The following TTC38 variants were observed in gnomAD, a reference collection of about 807,000 sequenced individuals.
TTC38 encodes the protein tetratricopeptide repeat protein 38.
Under a neutral mutation model 64.2 loss-of-function variants are expected in TTC38, and 64 were observed. The ratio of observed to expected loss-of-function variants is 1.00; its 90% CI spans 0.81 to 1.23. The LOEUF is 1.23. TTC38 is among the 50% of genes most tolerant of loss of function. The probability of loss-of-function intolerance (pLI) is 0.00; values close to 1 mark genes in which losing one functional copy is unlikely to be tolerated. For missense variants in TTC38, 573 were observed against 615.5 expected (o/e 0.93, Z 0.73); for synonymous variants, 254 against 249.3 (o/e 1.02, Z -0.18).
At position 46,268,511 on chromosome 22, in the gene TTC38, T is replaced by C. The variant is rs755207165; in HGVS notation, c.34-3T>C. The C allele has an allele frequency of 1.9e-6, 3 of 1,614,094 alleles. No individual in the cohort carries two copies. The highest frequency in any genetic ancestry group is 8.5e-7 in the Non-Finnish European group (1 of 1,180,010). On this transcript the variant is annotated splice_polypyrimidine_tract_variant and splice_region_variant and intron_variant, in intron 1 of 13. Transcript: ENST00000381031. ...ACTGCTATTCCCTTCTTGCCGTCTGTAGGCCTGGAAGGATGCGAGGCTCCC... is the reference window on the plus strand; with the variant it reads ...ACTGCTATTCCCTTCTTGCCGTCTGCAGGCCTGGAAGGATGCGAGGCTCCC...
chr22:46,289,880 G>A lies in TTC38; in HGVS notation c.1297G>A (p.Val433Ile), dbSNP rs199616473. The A allele has an allele frequency of 4.3e-4, 690 of 1,614,130 alleles. No homozygotes were observed. The highest frequency in any genetic ancestry group is 5.4e-4 in the Non-Finnish European group (639 of 1,179,990). ...CGCGGCCTTAAACTGCACCTCCAGCGTCCATAAGAACGTAGCCCGGTGAGC... is the reference window on the plus strand; with the variant it reads ...CGCGGCCTTAAACTGCACCTCCAGCATCCATAAGAACGTAGCCCGGTGAGC... ...IHAALNCTSS[V>I]HKNVARSLLM... is the part of the protein sequence containing the mutation. Residue 433 changes from valine to isoleucine, a missense_variant, in exon 13 of 14, where the codon GTC becomes ATC. By Grantham distance (29) the Val-to-Ile change is conservative. Around this residue, in one of 3 missense-constraint regions of TTC38, gnomAD observed 371 missense variants for 381.8 expected, o/e 0.97. Coordinates refer to ENST00000381031, the MANE Select transcript of TTC38 (RefSeq NM_017931.4).
chr22:46,282,215 C>T lies in TTC38; in HGVS notation c.735+497C>T, dbSNP rs1243730803. 4 of 325,334 alleles carry T rather than the reference C, an allele frequency of 1.2e-5. No individual in the cohort carries two copies. The highest frequency in any genetic ancestry group is 4.7e-5 in the South Asian group (2 of 42,962). 20.2% of individuals were successfully genotyped at this position (325,334 alleles called of 1,614,324 possible). ...AGCCCGTCACTAGCTTGAGCAAGGCCTCCAAGGCCTACAGTGGCCTGTGAG... is the reference window on the plus strand; with the variant it reads ...AGCCCGTCACTAGCTTGAGCAAGGCTTCCAAGGCCTACAGTGGCCTGTGAG... On this transcript the variant is annotated intron_variant, in intron 7 of 13. Transcript: ENST00000381031. The surrounding 1 kb of genome is among the most constrained non-coding windows in gnomAD (Gnocchi z 4.4).
At chr22:46,284,266 T>G (rs1286097647) in intron 8 of TTC38, among the ~76,000 whole-genome samples, 1 of 152,226 alleles carries the variant, frequency 6.6e-6, no homozygotes, top group African/African-American at 2.4e-5. Flanking sequence ...CGAGTGCCTG[T>G]GGCTGGAGTG....
intron 7 of TTC38, among the ~76,000 whole-genome samples, chr22:46,283,191 G>C (rs753512940): frequency 6.6e-6 from 1 of 151,902 alleles, no homozygotes; most frequent in African/African-American, 2.4e-5. Context: ...CTTCTGCCTC[G>C]GCCTCCCAAA....
rs1261942522 is a variant in TTC38 at position 46,281,779 on chromosome 22, C to A, written c.735+61C>A. 1.9e-6 allele frequency: 3 copies of A among 1,605,792 alleles called. No homozygotes were observed. In the Admixed American group the frequency reaches 5.0e-5, roughly 27 times the overall value. On this transcript the variant is annotated intron_variant, in intron 7 of 13. Coordinates refer to ENST00000381031, the MANE Select transcript of TTC38 (RefSeq NM_017931.4). The surrounding 1 kb of genome is among the most constrained non-coding windows in gnomAD (Gnocchi z 5.2). Reference sequence around the variant, plus strand: ...ATTCAGTGCATCCCCTTGAGTCAGGCCAAGGCTTTATGGACAAGAGTTACA... The same window carrying A: ...ATTCAGTGCATCCCCTTGAGTCAGGACAAGGCTTTATGGACAAGAGTTACA...
At position 46,268,862 on chromosome 22, in the gene TTC38, ATT is replaced by A. The variant is rs1396705754; in HGVS notation, c.111+276_111+277del. On this transcript the variant is annotated intron_variant, in intron 2 of 13. Coordinates refer to ENST00000381031, the MANE Select transcript of TTC38 (RefSeq NM_017931.4). ...ACTGCCCTCGACTAATTTTTTTTGT[ATT>A]TTTTAGTAGAGACGGGGTTTCACCG... 4 of 391,928 alleles carry A rather than the reference ATT, an allele frequency of 1.0e-5. No individual in the cohort carries two copies. The East Asian group carries it at 1.7e-4, about 17-fold the overall frequency. The allele number at this position is 391,928 out of a possible 1,614,324, so 24.3% of individuals were successfully genotyped here.
rs200901934 is a variant in TTC38, at chr22:46,276,771, T to TAA, written c.539+1352_539+1353dup. ...AAATACATATATTAAAAATATATAT[T>TAA]AAATATATATTAAAATATATATTAA... On this transcript the variant is annotated intron_variant, in intron 5 of 13. Coordinates refer to ENST00000381031, the MANE Select transcript of TTC38 (RefSeq NM_017931.4). The surrounding 1 kb of genome is among the most constrained non-coding windows in gnomAD (Gnocchi z 4.7). Among the ~76,000 whole-genome samples, 88 of 117,044 alleles carry TAA rather than the reference T, an allele frequency of 7.5e-4. No homozygotes were observed. Among genetic ancestry groups the TAA allele is most frequent in the African/African-American group, 3.7e-3 (81 of 21,848 alleles). The allele number at this position is 117,044 out of a possible 152,430, so 76.8% of individuals were successfully genotyped here.
Position 46,283,104 on chromosome 22 carries a change from AT to A in TTC38, c.736-857del, listed in dbSNP as rs202167198. On this transcript the variant is annotated intron_variant, in intron 7 of 13. Transcript: ENST00000381031. ...CCACCACACCTGGCTAATTAAAAAAATTTTTTTTTTTTAGAGAGACAGGGTC... is the reference window on the plus strand; with the variant it reads ...CCACCACACCTGGCTAATTAAAAAAATTTTTTTTTTTAGAGAGACAGGGTC... 9.3e-3 allele frequency among the ~76,000 whole-genome samples: 1,369 copies of A among 146,992 alleles called. 20 individuals carry two copies. The highest frequency in any genetic ancestry group is 0.031 in the African/African-American group (1,263 of 40,292).
At chr22:46,268,789 A>G (rs902529797) in intron 2 of TTC38, 198 bp downstream of exon 2, 60 of 534,792 alleles carry the variant, frequency 1.1e-4, no homozygotes, top group African/African-American at 1.0e-3. Flanking sequence ...GGTTCACGCC[A>G]TTCTCGTCCC....
rs1878801607 is a variant in TTC38, at chr22:46,282,768, C to G, written c.735+1050C>G. Among the ~76,000 whole-genome samples, 3 of 152,148 alleles carry G rather than the reference C, an allele frequency of 2.0e-5. No homozygotes were observed. The South Asian group carries it at 6.2e-4, about 32-fold the overall frequency. The stretch of plus-strand genomic sequence containing the variant: ...TCTCCTGAGCTTGGAAATACCCTAG[C>G]AGGGGCCAGCTCTGAGCCCAGCACA... On this transcript the variant is annotated intron_variant, in intron 7 of 13. Coordinates refer to ENST00000381031, the MANE Select transcript of TTC38 (RefSeq NM_017931.4). This position sits in a 1 kb window ranked among gnomAD's most constrained non-coding sequence, Gnocchi z 4.4.
intron 1 of TTC38, among the ~76,000 whole-genome samples, 174 bp downstream of exon 1, chr22:46,268,246 G>A (rs1301120809): frequency 6.6e-6 from 1 of 152,242 alleles, no homozygotes; most frequent in Non-Finnish European, 1.5e-5. Flanking sequence ...TTCTTGTAGA[G>A]TCCCCACCGA....
intron 5 of TTC38, among the ~76,000 whole-genome samples, chr22:46,278,133 G>A (rs938529973): frequency 1.3e-5 from 2 of 152,204 alleles, no homozygotes; most frequent in Non-Finnish European, 2.9e-5. Context: ...TTGCTGTAGC[G>A]AAGGGCTGCA....
chr22:46,280,145 G>A (rs1471017323), intron 6 of TTC38: 1 of 471,114 alleles, frequency 2.1e-6, no homozygotes, highest in Non-Finnish European at 4.4e-6. Context: ...GATGGGGCCA[G>A]GAGTGGTAAC....
rs9627383 is a variant in TTC38 at position 46,281,966 on chromosome 22, T to C, written c.735+248T>C. 1,949 of 641,236 alleles carry C rather than the reference T, an allele frequency of 3.0e-3. 31 individuals carry two copies. In the African/African-American group the frequency reaches 0.031, roughly 10 times the overall value. 39.7% of individuals were successfully genotyped at this position (641,236 alleles called of 1,614,324 possible). Reference sequence around the variant, plus strand: ...GGTCCAGCCCAGACTTCTCTGTCCTTACAGGGCCTGGTCAGGAGGAGCGAG... The same window carrying C: ...GGTCCAGCCCAGACTTCTCTGTCCTCACAGGGCCTGGTCAGGAGGAGCGAG... On this transcript the variant is annotated intron_variant, in intron 7 of 13. Coordinates refer to ENST00000381031, the MANE Select transcript of TTC38 (RefSeq NM_017931.4). This position sits in a 1 kb window ranked among gnomAD's most constrained non-coding sequence, Gnocchi z 5.2.
chr22:46,288,367 C>A, intron 10 of TTC38, 56 bp from the exon 11 acceptor site: 1 of 1,550,794 alleles, frequency 6.4e-7, no homozygotes, highest in East Asian at 2.3e-5. Context: ...GGCCCTTGCA[C>A]GGGACATGCC....
intron 5 of TTC38, among the ~76,000 whole-genome samples, chr22:46,277,176 G>A (rs2077498321): frequency 6.6e-6 from 1 of 151,932 alleles, no homozygotes; most frequent in South Asian, 2.1e-4. Context: ...GCAAAGTAAT[G>A]AAGCTAACAT....
At chr22:46,268,175 T>TG in intron 1 of TTC38, 103 bp downstream of exon 1, 1 of 1,337,364 alleles carries the variant, frequency 7.5e-7, no homozygotes, top group Non-Finnish European at 1.0e-6. Context: ...GCGCGGGGCG[T>TG]GGGGTGAGCC....
rs1382086898 is a variant in TTC38 at position 46,271,494 on chromosome 22, TG to T, written c.112-840del. The stretch of plus-strand genomic sequence containing the variant: ...TCCCAAAGTGCTGGGCTTACAGGCA[TG>T]AGCCACCACACCTGGCCTTTTTTTT... On this transcript the variant is annotated intron_variant, in intron 2 of 13. Coordinates refer to ENST00000381031, the MANE Select transcript of TTC38 (RefSeq NM_017931.4). This position sits in a 1 kb window ranked among gnomAD's most constrained non-coding sequence, Gnocchi z 5.5. Among the ~76,000 whole-genome samples, 1 of 152,120 alleles carries T rather than the reference TG, an allele frequency of 6.6e-6. No individual in the cohort carries two copies. The highest frequency in any genetic ancestry group is 1.9e-4 in the East Asian group (1 of 5,176).
chr22:46,292,705 G>A lies in TTC38; in HGVS notation c.1317-86G>A, dbSNP rs771116196. ...CTCAGTGCCGCAGTCTAGCCTGCCT[G>A]TGTTCTGCCTTGGGACCAAGGGACC... On this transcript the variant is annotated intron_variant, in intron 13 of 13. Transcript: ENST00000381031. This position sits in a 1 kb window ranked among gnomAD's most constrained non-coding sequence, Gnocchi z 6.5. 1.1e-4 allele frequency: 137 copies of A among 1,228,754 alleles called. No individual in the cohort carries two copies. The highest frequency in any genetic ancestry group is 1.5e-4 in the Non-Finnish European group (129 of 838,176). 76.1% of individuals were successfully genotyped at this position (1,228,754 alleles called of 1,614,324 possible). A position where few individuals can be genotyped will look rare whatever the true frequency, so the allele number is the denominator to read the frequency against.
Sources: gnomAD v4.1 joint callset for allele counts (sites outside exome capture counted in the v4.1 genomes callset) on GRCh38, gnomAD v4.1.1 for gene constraint, gnomAD v4.1.1 regional missense constraint, Gnocchi (gnomAD v3.1) non-coding constraint, MANE v1.5 for transcripts, NCBI Gene and HGNC (gene_info 2026-07-23, HGNC 2026-07-21) for gene names.